GCSAML: variants seen among roughly 807,000 people sequenced by gnomAD.
GCSAML encodes the protein germinal center associated signaling and motility like.
A neutral mutation model predicts 13.0 loss-of-function variants in GCSAML; 9 were observed. The ratio of observed to expected loss-of-function variants is 0.69; its 90% CI spans 0.42 to 1.21. GCSAML has a LOEUF of 1.21. Among genes scored for constraint, GCSAML ranks in the 50% most tolerant of loss-of-function variants. The probability of loss-of-function intolerance (pLI) is 0.00; values close to 1 mark genes in which losing one functional copy is unlikely to be tolerated. For missense variants in GCSAML, 143 were observed against 153.4 expected (o/e 0.93, Z 0.36); for synonymous variants, 37 against 52.9 (o/e 0.70, Z 1.31).
At chr1:247,522,660 A>G (rs1458188155) in intron 1 of GCSAML, among the ~76,000 whole-genome samples, 1 of 152,198 alleles carries the variant, frequency 6.6e-6, no homozygotes, top group Non-Finnish European at 1.5e-5. Context: ...ACTCAGGGTT[A>G]AATGGATTAA....
chr1:247,521,387 G>T (rs905747866), intron 1 of GCSAML, among the ~76,000 whole-genome samples: 1 of 70,288 alleles, frequency 1.4e-5, no homozygotes, highest in African/African-American at 4.1e-5. Flanking sequence ...CCCTCTCCAC[G>T]GTCTCCCTCT....
rs988706191 is a variant in GCSAML, at chr1:247,556,767, A to T, written c.89+301A>T. On this transcript the variant is annotated intron_variant, in intron 2 of 4. Coordinates refer to ENST00000366488, the MANE Select transcript of GCSAML (RefSeq NM_145278.5). ...GTTATATGTGGTGGCCATATTTCCC[A>T]CCTTTTCCTTACAAGTAGCCAGAAT... 7.2e-5 allele frequency among the ~76,000 whole-genome samples: 11 copies of T among 152,110 alleles called. No homozygotes were observed. The East Asian group carries it at 2.1e-3, about 29-fold the overall frequency.
At chr1:247,555,626 G>A (rs1477865413) in intron 1 of GCSAML, among the ~76,000 whole-genome samples, 1 of 152,224 alleles carries the variant, frequency 6.6e-6, no homozygotes, top group Non-Finnish European at 1.5e-5. Flanking sequence ...GTAAGCAGAA[G>A]TGAGGCTCTT....
chr1:247,548,941 T>G, upstream of GCSAML: 1 of 734,638 alleles, frequency 1.4e-6, no homozygotes, highest in Non-Finnish European at 2.1e-6. This position sits in a 1 kb window ranked among gnomAD's most constrained non-coding sequence, Gnocchi z 5.3. Flanking sequence ...CCCACGCGTG[T>G]GTGTATGAGT....
upstream of GCSAML, among the ~76,000 whole-genome samples, chr1:247,548,142 G>T (rs60663756): frequency 0.015 from 2,233 of 152,300 alleles, 41 homozygotes; most frequent in African/African-American, 0.049. The surrounding 1 kb of genome is among the most constrained non-coding windows in gnomAD (Gnocchi z 5.3). Context: ...TCAGCAAATA[G>T]ATTTTGTGTT....
chr1:247,553,764 C>A (rs1242555433), intron 1 of GCSAML, among the ~76,000 whole-genome samples: 1 of 152,226 alleles, frequency 6.6e-6, no homozygotes, highest in African/African-American at 2.4e-5. Context: ...CTGCACCCAG[C>A]TCTTCTGAGG....
At chr1:247,517,832 CCT>C (rs1205524476) in intron 1 of GCSAML, among the ~76,000 whole-genome samples, 4 of 152,298 alleles carry the variant, frequency 2.6e-5, no homozygotes, top group Admixed American at 1.3e-4. Context: ...AGCCTGTGAA[CCT>C]CTCTAAATAG....
At chr1:247,510,390 C>T (rs753593800) in intron 1 of GCSAML, among the ~76,000 whole-genome samples, 2 of 151,874 alleles carry the variant, frequency 1.3e-5, no homozygotes, top group Non-Finnish European at 2.9e-5. Flanking sequence ...TTTGATTTTT[C>T]TCTCTTTCCT....
intron 3 of GCSAML, among the ~76,000 whole-genome samples, chr1:247,564,508 G>A (rs757817958): frequency 7.2e-5 from 11 of 151,956 alleles, no homozygotes; most frequent in Non-Finnish European, 1.2e-4. Flanking sequence ...TATACCTAAA[G>A]GAAACTCTCT....
intron 2 of GCSAML, among the ~76,000 whole-genome samples, chr1:247,541,102 C>T (rs1389518505): frequency 6.6e-6 from 1 of 152,062 alleles, no homozygotes; most frequent in Non-Finnish European, 1.5e-5. Context: ...ATTTCTTTAC[C>T]CATTTGGTCA....
chr1:247,536,864 T>A (rs1667236969), intron 2 of GCSAML, among the ~76,000 whole-genome samples: 1 of 152,196 alleles, frequency 6.6e-6, no homozygotes, highest in Admixed American at 6.5e-5. Context: ...TATAGACTCT[T>A]TTTTTAAAAA....
intron 2 of GCSAML, among the ~76,000 whole-genome samples, chr1:247,541,126 AC>A (rs2103021643): frequency 6.6e-6 from 1 of 152,328 alleles, no homozygotes; most frequent in Admixed American, 6.5e-5. Context: ...TTTTGTCTAA[AC>A]CTATGCTGGT....
intron 2 of GCSAML, chr1:247,538,592 T>C (rs1667302323): frequency 2.8e-6 from 1 of 360,704 alleles, no homozygotes; most frequent in African/African-American, 2.1e-5. Flanking sequence ...GTCATAAGAT[T>C]GGAATACTTA....
At chr1:247,508,322 A>G (rs1218144368) in intron 1 of GCSAML, among the ~76,000 whole-genome samples, 1 of 152,162 alleles carries the variant, frequency 6.6e-6, no homozygotes, top group Non-Finnish European at 1.5e-5. Flanking sequence ...TCTTTTTGAG[A>G]AGTGTCTATT....
At position 247,530,516 on chromosome 1, in the gene GCSAML, A is replaced by ACCCC. The variant is rs753278779; in HGVS notation, c.-148+3462_-148+3463insCCCC. 4.9e-4 allele frequency: 29 copies of ACCCC among 58,606 alleles called. 1 individual carries two copies. Among genetic ancestry groups the ACCCC allele is most frequent in the South Asian group, 1.3e-3 (1 of 746 alleles). 3.6% of individuals were successfully genotyped at this position (58,606 alleles called of 1,614,324 possible). ...TGAACCAGTCCACAAACACCATGCC[A>ACCCC]TCCCCCCCCCACAAAATAACATTTC... On this transcript the variant is annotated intron_variant, in intron 2 of 5. Coordinates refer to the GCSAML transcript ENST00000366489.
intron 2 of GCSAML, among the ~76,000 whole-genome samples, chr1:247,538,962 G>A (rs1034601659): frequency 6.6e-6 from 1 of 152,174 alleles, no homozygotes; most frequent in Non-Finnish European, 1.5e-5. Context: ...CTTCTCAGTT[G>A]ATGACAACTG....
chr1:247,531,386 A>G (rs78512685), intron 2 of GCSAML: 26,127 of 675,682 alleles, frequency 0.039, 660 homozygotes, highest in East Asian at 0.087. Context: ...TAATAAATGT[A>G]TTTTCTTGGT....
intron 1 of GCSAML, among the ~76,000 whole-genome samples, chr1:247,523,471 G>A (rs1257611882): frequency 6.6e-6 from 1 of 152,154 alleles, no homozygotes; most frequent in Non-Finnish European, 1.5e-5. Context: ...TATTGACCAA[G>A]GATTCATAGT....
At chr1:247,563,006 ATTTTTT>A (rs35205676) in intron 2 of GCSAML, among the ~76,000 whole-genome samples, 1 of 134,648 alleles carries the variant, frequency 7.4e-6, no homozygotes, top group African/African-American at 2.8e-5. Context: ...TACCCAGCTC[ATTTTTT>A]TTTTTTTTTT....
Sources: allele counts gnomAD v4.1 joint callset (sites outside exome capture counted in the v4.1 genomes callset), GRCh38; gene constraint gnomAD v4.1.1; non-coding constraint Gnocchi (gnomAD v3.1); transcripts MANE v1.5; gene names NCBI Gene and HGNC (gene_info 2026-07-23, HGNC 2026-07-21).